Variants in PTPRF observed in about 807,000 individuals in gnomAD.
PTPRF encodes the protein protein tyrosine phosphatase receptor type F.
PTPRF carries 59 observed loss-of-function variants against 201.8 expected under a neutral mutation model. That is an observed-to-expected ratio of 0.29 (90% CI 0.24 to 0.36). The LOEUF (loss-of-function observed/expected upper bound fraction) is 0.36, where lower values mean the gene tolerates loss of function less well. PTPRF is among the 10% of genes least tolerant of loss of function. PTPRF has a pLI of 1.00. For missense variants in PTPRF, 2,132 were observed against 2,690.5 expected (o/e 0.79, Z 4.59); for synonymous variants, 1,088 against 1,089.7 (o/e 1.00, Z 0.03).
At position 43,603,811 on chromosome 1, in the gene PTPRF, A is replaced by G. The variant is rs1654382862; in HGVS notation, c.2659A>G (p.Thr887Ala). The G allele has an allele frequency of 6.2e-7, 1 of 1,614,000 alleles. No homozygotes were observed. The highest frequency in any genetic ancestry group is 1.3e-5 in the African/African-American group (1 of 74,930). The change falls in exon 16 of 34, where the codon ACC (threonine) becomes GCC (alanine). Residue 887 changes from threonine to alanine, a missense_variant. Physicochemically the swap from Thr to Ala is moderately conservative, Grantham distance 58. Coordinates refer to ENST00000359947, the MANE Select transcript of PTPRF (RefSeq NM_002840.5). The surrounding 1 kb of genome is among the most constrained non-coding windows in gnomAD (Gnocchi z 5.8). ...FTVTGLHKGT[T>A]YIFRLAAKNR... ...AGTCACCGGCCTGCACAAGGGGACC[A>G]CCTACATCTTCCGGCTTGCTGCCAA...
At chr1:43,601,971 C>T in intron 13 of PTPRF, 100 bp from the exon 14 acceptor site, 1 of 1,429,794 alleles carries the variant, frequency 7.0e-7, no homozygotes, top group Non-Finnish European at 9.9e-7. Flanking sequence ...AAAAGCCCTC[C>T]CTCTGTCCTC....
At chr1:43,527,574 G>A (rs76868186), upstream of PTPRF, among the ~76,000 whole-genome samples, 99 of 152,344 alleles carry the variant, frequency 6.5e-4, 1 homozygote, top group African/African-American at 2.4e-3. Context: ...ACGCCAATGG[G>A]TTAGGATTCT....
chr1:43,558,683 T>TC (rs2153977553), intron 5 of PTPRF, among the ~76,000 whole-genome samples: 1 of 151,962 alleles, frequency 6.6e-6, no homozygotes, highest in East Asian at 1.9e-4. Flanking sequence ...GCTGAATCAC[T>TC]CCCCCTCCAA....
At chr1:43,577,759 G>A (rs1647024628) in intron 6 of PTPRF, among the ~76,000 whole-genome samples, 1 of 152,170 alleles carries the variant, frequency 6.6e-6, no homozygotes, top group Non-Finnish European at 1.5e-5. Flanking sequence ...TGCAGGAGGT[G>A]GTTTTGTCAG....
chr1:43,597,758 C>A lies in PTPRF; in HGVS notation c.1824C>A (p.Ala608=). The change falls in exon 12 of 34, where the codon GCC becomes GCA. Residue 608 remains alanine (A), a synonymous_variant. Transcript: ENST00000359947. The part of the protein sequence containing the change: ...EARTAQSTPS[A]PPQKVMCVSM... ...ATTTGTCTTCCCCAGCCCCCTCCGC[C>A]CCTCCCCAGAAGGTGATGTGTGTGA... 1 of 1,590,108 alleles carries A rather than the reference C, an allele frequency of 6.3e-7. No homozygotes were observed. Among genetic ancestry groups the A allele is most frequent in the East Asian group, 2.3e-5 (1 of 44,078 alleles).
At chr1:43,602,786 A>AGAT (rs1224501515) in intron 14 of PTPRF, among the ~76,000 whole-genome samples, 2 of 152,146 alleles carry the variant, frequency 1.3e-5, no homozygotes, top group Non-Finnish European at 2.9e-5. Flanking sequence ...CTCAGGCATC[A>AGAT]CTGAGAACAG....
At chr1:43,541,813 C>T (rs1028283109) in intron 2 of PTPRF, among the ~76,000 whole-genome samples, 1 of 152,188 alleles carries the variant, frequency 6.6e-6, no homozygotes, top group African/African-American at 2.4e-5. Context: ...TCTATAATAT[C>T]ATACCGTATG....
chr1:43,575,421 G>A (rs748193385), intron 6 of PTPRF, among the ~76,000 whole-genome samples: 9 of 152,156 alleles, frequency 5.9e-5, no homozygotes, highest in Non-Finnish European at 1.3e-4. Flanking sequence ...CGTGTTGTGG[G>A]AGGCCCAGTG....
intron 7 of PTPRF, among the ~76,000 whole-genome samples, chr1:43,585,714 C>T (rs560696404): frequency 5.3e-4 from 81 of 152,312 alleles, no homozygotes; most frequent in African/African-American, 1.7e-3. Context: ...CCATGAAGTC[C>T]GCCTTTTGGC....
At chr1:43,569,966 G>A (rs1002820106) in intron 6 of PTPRF, among the ~76,000 whole-genome samples, 188 bp downstream of exon 6, 3 of 152,172 alleles carry the variant, frequency 2.0e-5, no homozygotes, top group East Asian at 1.9e-4. Flanking sequence ...TGGCTGTGCC[G>A]TTACCTTCTT....
Position 43,559,915 on chromosome 1 carries a change from G to A in PTPRF, c.379+5974G>A, listed in dbSNP as rs527376093. 4.7e-5 allele frequency among the ~76,000 whole-genome samples: 7 copies of A among 150,522 alleles called. No homozygotes were observed. The South Asian group carries it at 1.3e-3, about 27-fold the overall frequency. ...AGGCTGTGTGTGTGTGTGCGCGCGTGTGTACAGCAGGTGGTGTGTAGCAAG... is the reference window on the plus strand; with the variant it reads ...AGGCTGTGTGTGTGTGTGCGCGCGTATGTACAGCAGGTGGTGTGTAGCAAG... On this transcript the variant is annotated intron_variant, in intron 5 of 33. Transcript: ENST00000359947.
rs1482355692 is a variant in PTPRF at position 43,547,312 on chromosome 1, C to T, written c.91+2146C>T. Among the ~76,000 whole-genome samples the T allele has an allele frequency of 2.0e-5, 3 of 152,194 alleles. No individual in the cohort carries two copies. In the East Asian group the frequency reaches 5.8e-4, roughly 29 times the overall value. Reference sequence around the variant, plus strand: ...TGCTGGTTCCTTAGGAACCAAAGCCCAAACACCAGGTCTTGACGGTAGAAA... The same window carrying T: ...TGCTGGTTCCTTAGGAACCAAAGCCTAAACACCAGGTCTTGACGGTAGAAA... On this transcript the variant is annotated intron_variant, in intron 3 of 33. Transcript: ENST00000359947.
chr1:43,555,524 C>T (rs1171975907), intron 5 of PTPRF, among the ~76,000 whole-genome samples: 1 of 149,138 alleles, frequency 6.7e-6, no homozygotes, highest in East Asian at 2.0e-4. Context: ...TGGCTCACTG[C>T]AGCCTCTGCC....
At chr1:43,609,234 C>T (rs968703211) in intron 21 of PTPRF, 149 bp from the exon 22 acceptor site, 2 of 640,512 alleles carry the variant, frequency 3.1e-6, no homozygotes, top group East Asian at 2.8e-5. Context: ...CTGGCCCTGG[C>T]TCCTCCGCGC....
intron 11 of PTPRF, among the ~76,000 whole-genome samples, chr1:43,594,665 T>A (rs1651805411): frequency 6.6e-6 from 1 of 151,894 alleles, no homozygotes; most frequent in Non-Finnish European, 1.5e-5. Flanking sequence ...GGGTTATGAA[T>A]AGGGGCCCAG....
At chr1:43,524,928 G>T (rs1157724592), upstream of PTPRF, among the ~76,000 whole-genome samples, 1 of 152,224 alleles carries the variant, frequency 6.6e-6, no homozygotes, top group Non-Finnish European at 1.5e-5. Flanking sequence ...GGAGAACTGC[G>T]CAGAGGGCCC....
At chr1:43,615,641 A>G (rs1378124321) in intron 23 of PTPRF, among the ~76,000 whole-genome samples, 2 of 138,614 alleles carry the variant, frequency 1.4e-5, no homozygotes, top group Non-Finnish European at 3.0e-5. Flanking sequence ...ATCTCGGCTC[A>G]GTGCAAGCTC....
rs1317560923 is a variant in PTPRF, at chr1:43,536,207, G to A, written c.-125-1991G>A. Among the ~76,000 whole-genome samples the A allele has an allele frequency of 2.6e-5, 4 of 152,340 alleles. No homozygotes were observed. In the South Asian group the frequency reaches 8.3e-4, roughly 32 times the overall value. ...CCTGGTTGTTCTGGGCTCTGTCCCA[G>A]TGTGAGTGTAGAGTGGGTTCTGGGA... On this transcript the variant is annotated intron_variant, in intron 1 of 33. Transcript: ENST00000359947.
chr1:43,564,910 G>A (rs185869941), intron 5 of PTPRF, among the ~76,000 whole-genome samples: 48 of 152,192 alleles, frequency 3.2e-4, no homozygotes, highest in Admixed American at 5.2e-4. Flanking sequence ...ACCCTCAGGC[G>A]TCCAAGGCTG....
Sources: gnomAD v4.1 joint callset for allele counts (sites outside exome capture counted in the v4.1 genomes callset) on GRCh38, gnomAD v4.1.1 for gene constraint, Gnocchi (gnomAD v3.1) non-coding constraint, MANE v1.5 for transcripts, NCBI Gene and HGNC (gene_info 2026-07-23, HGNC 2026-07-21) for gene names.